GPC5: variants seen among roughly 807,000 people sequenced by gnomAD.
GPC5 encodes the protein glypican-5.
In GPC5, 47 loss-of-function variants were observed where a neutral mutation model predicts 53.9. The ratio of observed to expected loss-of-function variants is 0.87; its 90% CI spans 0.69 to 1.11. The LOEUF (loss-of-function observed/expected upper bound fraction) is 1.11, where lower values mean the gene tolerates loss of function less well. Among genes scored for constraint, GPC5 ranks in the 50% most tolerant of loss-of-function variants. The probability of loss-of-function intolerance (pLI) is 0.00; values close to 1 mark genes in which losing one functional copy is unlikely to be tolerated. For missense variants in GPC5, 748 were observed against 713.1 expected (o/e 1.05, Z -0.56); for synonymous variants, 286 against 263.3 (o/e 1.09, Z -0.84).
intron 5 of GPC5, among the ~76,000 whole-genome samples, chr13:91,882,670 G>GTTTTTTTTTTTTTTTTTTTTTGTT: frequency 1.7e-5 from 1 of 59,320 alleles, no homozygotes; most frequent in Non-Finnish European, 3.0e-5. Context: ...TGTTTTTTGG[G>GTTTTTTTTTTTTTTTTTTTTTGTT]TTTTTTTTTT....
chr13:91,551,463 G>A (rs2030631996), intron 2 of GPC5, among the ~76,000 whole-genome samples: 1 of 152,090 alleles, frequency 6.6e-6, no homozygotes, highest in Admixed American at 6.6e-5. Context: ...GTTGACAAGA[G>A]TTAAACAGCA....
intron 5 of GPC5, among the ~76,000 whole-genome samples, chr13:91,774,653 G>A (rs897283009): frequency 6.6e-6 from 1 of 152,018 alleles, no homozygotes; most frequent in Non-Finnish European, 1.5e-5. Flanking sequence ...CTTCTTAACA[G>A]AATTGCCACC....
chr13:92,146,213 A>G (rs528294495), intron 7 of GPC5, among the ~76,000 whole-genome samples: 28 of 152,230 alleles, frequency 1.8e-4, no homozygotes, highest in Non-Finnish European at 1.9e-4. Flanking sequence ...TGCGATAAAG[A>G]TGTGTTCTTA....
At chr13:92,048,056 A>G (rs1033001245) in intron 6 of GPC5, among the ~76,000 whole-genome samples, 2 of 151,930 alleles carry the variant, frequency 1.3e-5, no homozygotes, top group Non-Finnish European at 2.9e-5. Flanking sequence ...ATATTCTAGA[A>G]ACACAGTTGT....
At chr13:91,607,675 C>A (rs999845583) in intron 2 of GPC5, among the ~76,000 whole-genome samples, 2 of 152,194 alleles carry the variant, frequency 1.3e-5, no homozygotes, top group Admixed American at 1.3e-4. Context: ...TATTCCAAGA[C>A]GTTGTTCTTA....
intron 1 of GPC5, among the ~76,000 whole-genome samples, chr13:91,423,690 G>C (rs537422069): frequency 2.0e-5 from 3 of 152,142 alleles, no homozygotes; most frequent in Non-Finnish European, 4.4e-5. Context: ...ATAATGTATT[G>C]TGTATTTCAA....
chr13:91,479,412 T>C (rs1176602424), intron 2 of GPC5, among the ~76,000 whole-genome samples: 1 of 152,152 alleles, frequency 6.6e-6, no homozygotes, highest in East Asian at 1.9e-4. Flanking sequence ...GTACACTGTA[T>C]GCATTTATGA....
At chr13:92,071,678 G>C (rs997636881) in intron 6 of GPC5, among the ~76,000 whole-genome samples, 5 of 151,338 alleles carry the variant, frequency 3.3e-5, no homozygotes, top group Non-Finnish European at 7.4e-5. Context: ...AAATTTCTTT[G>C]AGTATTTCTA....
intron 6 of GPC5, among the ~76,000 whole-genome samples, chr13:91,934,942 G>T (rs1362477687): frequency 1.3e-5 from 2 of 151,972 alleles, no homozygotes; most frequent in African/African-American, 4.8e-5. Flanking sequence ...TAATAGATAA[G>T]TGATTTGCTC....
chr13:92,717,924 A>C (rs368530412), intron 7 of GPC5, among the ~76,000 whole-genome samples: 143 of 152,272 alleles, frequency 9.4e-4, no homozygotes, highest in South Asian at 8.5e-3. Context: ...AAATCTAATA[A>C]TCTGATTAAA....
At chr13:92,434,422 CA>C (rs1336960667) in intron 7 of GPC5, among the ~76,000 whole-genome samples, 3 of 152,004 alleles carry the variant, frequency 2.0e-5, no homozygotes, top group Admixed American at 6.6e-5. Flanking sequence ...AGGTTTTTAT[CA>C]GTCAGTTATA....
chr13:91,718,222 CG>C (rs1280607732), intron 3 of GPC5, among the ~76,000 whole-genome samples: 1 of 151,950 alleles, frequency 6.6e-6, no homozygotes, highest in Non-Finnish European at 1.5e-5. Context: ...GCCATTCTCC[CG>C]TCTCAGCCTC....
At chr13:92,743,035 T>TGAGG (rs1889146100) in intron 7 of GPC5, among the ~76,000 whole-genome samples, 1 of 152,130 alleles carries the variant, frequency 6.6e-6, no homozygotes. Context: ...AGCTTTGTTC[T>TGAGG]TTTGGCTTAG....
At chr13:92,393,371 C>T (rs1287985381) in intron 7 of GPC5, among the ~76,000 whole-genome samples, 1 of 152,156 alleles carries the variant, frequency 6.6e-6, no homozygotes, top group Admixed American at 6.6e-5. Context: ...TGAACACAGG[C>T]CGGTGCAGTG....
chr13:92,098,673 A>G (rs895955596), intron 6 of GPC5, among the ~76,000 whole-genome samples: 8 of 152,196 alleles, frequency 5.3e-5, no homozygotes, highest in Non-Finnish European at 4.4e-5. Context: ...GATGAAATTA[A>G]GGTGGTTAAA....
chr13:91,878,873 C>T (rs997464718), intron 5 of GPC5, among the ~76,000 whole-genome samples: 3 of 151,942 alleles, frequency 2.0e-5, no homozygotes, highest in African/African-American at 7.3e-5. Flanking sequence ...CATTGAGAAT[C>T]GAGAAGACAT....
At chr13:92,156,867 A>G (rs2041948700) in intron 7 of GPC5, among the ~76,000 whole-genome samples, 1 of 152,048 alleles carries the variant, frequency 6.6e-6, no homozygotes, top group Admixed American at 6.6e-5. Context: ...TAGAATTACT[A>G]TTTTTAATAT....
intron 6 of GPC5, among the ~76,000 whole-genome samples, chr13:92,088,273 T>C (rs1275113331): frequency 6.6e-6 from 1 of 152,160 alleles, no homozygotes; most frequent in East Asian, 1.9e-4. Context: ...AACGGTGTCA[T>C]TCATGATACA....
At chr13:91,452,714 A>G (rs1881268212) in intron 2 of GPC5, among the ~76,000 whole-genome samples, 4 of 152,124 alleles carry the variant, frequency 2.6e-5, no homozygotes, top group African/African-American at 9.7e-5. Flanking sequence ...TCCAGCTTAT[A>G]TATTTTTCAA....
Sources: gnomAD v4.1 joint callset for allele counts (sites outside exome capture counted in the v4.1 genomes callset) on GRCh38, gnomAD v4.1.1 for gene constraint, MANE v1.5 for transcripts, NCBI Gene and HGNC (gene_info 2026-07-23, HGNC 2026-07-21) for gene names.